MDN1: variants seen among roughly 807,000 people sequenced by gnomAD.
The protein encoded by MDN1 is midasin AAA ATPase 1.
MDN1 carries 266 observed loss-of-function variants against 669.2 expected under a neutral mutation model. The ratio of observed to expected loss-of-function variants is 0.40; its 90% CI spans 0.36 to 0.44. MDN1 has a LOEUF of 0.44. Among genes scored for constraint, MDN1 ranks in the 20% least tolerant of loss-of-function variants. MDN1 has a pLI of 1.00. For missense variants in MDN1, 5,940 were observed against 6,754.0 expected (o/e 0.88, Z 4.22); for synonymous variants, 2,385 against 2,457.1 (o/e 0.97, Z 0.87).
intron 84 of MDN1, among the ~76,000 whole-genome samples, chr6:89,666,288 C>T (rs187727015): frequency 7.3e-4 from 111 of 152,234 alleles, no homozygotes; most frequent in African/African-American, 2.6e-3. Context: ...TTTTCTGAAA[C>T]AAGGTCTTGC....
Position 89,660,234 on chromosome 6 carries a change from G to A in MDN1, c.14713+1197C>T, listed in dbSNP as rs140089692. On this transcript the variant is annotated intron_variant, in intron 88 of 101. Transcript: ENST00000369393. ...AGAGTCTCGTTCTGTCACCCAAGCT[G>A]GAGTGCAGTGGCGAGATCATGGCCT... 6.9e-3 allele frequency among the ~76,000 whole-genome samples: 1,055 copies of A among 152,194 alleles called. 20 individuals are homozygous for A. Among genetic ancestry groups the A allele is most frequent in the East Asian group, 0.038 (197 of 5,162 alleles).
intron 9 of MDN1, among the ~76,000 whole-genome samples, chr6:89,782,525 G>C (rs952458818): frequency 6.6e-6 from 1 of 151,936 alleles, no homozygotes; most frequent in Non-Finnish European, 1.5e-5. Flanking sequence ...CTGAGAGGTT[G>C]AGGCTGCAGT....
Position 89,696,034 on chromosome 6 carries a change from T to C in MDN1, c.9384-42A>G, listed in dbSNP as rs762784693. ...AAAGCACTGAAAGGTTTGTACTGTA[T>C]CAAAAAGCATTCCTTTTCATACAGT... On this transcript the variant is annotated intron_variant, in intron 60 of 101. Coordinates refer to ENST00000369393, the MANE Select transcript of MDN1 (RefSeq NM_014611.3). 3 of 1,552,858 alleles carry C rather than the reference T, an allele frequency of 1.9e-6. No individual in the cohort carries two copies. The African/African-American group carries it at 4.1e-5, about 21-fold the overall frequency.
In MDN1 at chr6:89,809,192, G is replaced by A. The variant is rs561323974; in HGVS notation, c.103-5638C>T. Among the ~76,000 whole-genome samples, 5 of 142,694 alleles carry A rather than the reference G, an allele frequency of 3.5e-5. No individual in the cohort carries two copies. In the South Asian group the frequency reaches 1.1e-3, roughly 32 times the overall value. 93.6% of individuals were successfully genotyped at this position (142,694 alleles called of 152,430 possible). The stretch of plus-strand genomic sequence containing the variant: ...AGATCGTGCCCCTGCACTCCAGCCT[G>A]GGTGACAGGTGAGACACTGTCTCAA... On this transcript the variant is annotated intron_variant, in intron 1 of 101. Coordinates refer to ENST00000369393, the MANE Select transcript of MDN1 (RefSeq NM_014611.3).
At chr6:89,693,964 G>T in intron 62 of MDN1, 110 bp downstream of exon 62, 2 of 822,892 alleles carry the variant, frequency 2.4e-6, no homozygotes, top group Non-Finnish European at 4.1e-6. Flanking sequence ...GCATCTAATT[G>T]CTAATGTAGT....
At chr6:89,673,133 T>C (rs966108876) in intron 80 of MDN1, 103 bp downstream of exon 80, 1 of 1,057,924 alleles carries the variant, frequency 9.5e-7, no homozygotes, top group Non-Finnish European at 1.4e-6. Context: ...GACAGGTACA[T>C]GTAGACCAAA....
chr6:89,708,746 A>T, intron 50 of MDN1, 118 bp from the exon 51 acceptor site: 1 of 1,142,728 alleles, frequency 8.8e-7, no homozygotes, highest in Non-Finnish European at 1.3e-6. Context: ...ATGATGGGGA[A>T]GAGGTTGAAC....
intron 26 of MDN1, 36 bp downstream of exon 26, chr6:89,749,187 A>G (rs1289191043): frequency 2.6e-6 from 4 of 1,552,696 alleles, no homozygotes; most frequent in Non-Finnish European, 3.5e-6. Flanking sequence ...TTTGATCACC[A>G]AGTATAATCA....
intron 52 of MDN1, among the ~76,000 whole-genome samples, chr6:89,706,869 G>A (rs1286310930): frequency 6.6e-6 from 1 of 152,008 alleles, no homozygotes; most frequent in African/African-American, 2.4e-5. Context: ...AGTAGCTGAT[G>A]TAAAGATGAA....
chr6:89,744,111 A>AC lies in MDN1; in HGVS notation c.4179-398_4179-397insG, dbSNP rs1236777557. Among the ~76,000 whole-genome samples, 19 of 140,942 alleles carry AC rather than the reference A, an allele frequency of 1.3e-4. 1 individual carries two copies. The highest frequency in any genetic ancestry group is 4.6e-4 in the African/African-American group (18 of 39,272). The allele number at this position is 140,942 out of a possible 152,430, so 92.5% of individuals were successfully genotyped here. On this transcript the variant is annotated intron_variant, in intron 29 of 101. Coordinates refer to ENST00000369393, the MANE Select transcript of MDN1 (RefSeq NM_014611.3). ...AGAGCGGAATGCCTTCTTAAAAAAA[A>AC]AAAAAAAAAAAAAAAAAAAACCACC...
intron 5 of MDN1, among the ~76,000 whole-genome samples, 177 bp downstream of exon 5, chr6:89,793,585 A>G (rs901698420): frequency 3.3e-5 from 5 of 152,218 alleles, no homozygotes; most frequent in African/African-American, 9.7e-5. Context: ...AAACAAGAAC[A>G]GTGGGAATAT....
chr6:89,752,856 G>A (rs541168133), intron 22 of MDN1, among the ~76,000 whole-genome samples: 2 of 152,268 alleles, frequency 1.3e-5, no homozygotes, highest in East Asian at 3.9e-4. Context: ...CGGGCACGGT[G>A]ACTCACGCCT....
intron 18 of MDN1, 70 bp downstream of exon 18, chr6:89,758,744 AAC>A (rs1817384233): frequency 7.2e-6 from 11 of 1,529,550 alleles, no homozygotes; most frequent in African/African-American, 5.6e-5. Flanking sequence ...TAACAACAAC[AAC>A]AAAAAATCTC....
At chr6:89,740,756 A>C (rs1288864731) in intron 31 of MDN1, among the ~76,000 whole-genome samples, 1 of 152,238 alleles carries the variant, frequency 6.6e-6, no homozygotes, top group Admixed American at 6.5e-5. Context: ...CGGGACAAAA[A>C]GGAACAAACT....
intron 32 of MDN1, among the ~76,000 whole-genome samples, chr6:89,739,012 A>G (rs566093692): frequency 6.6e-6 from 1 of 152,362 alleles, no homozygotes; most frequent in South Asian, 2.1e-4. Context: ...GTCAGTTGAC[A>G]CTATTCACAA....
intron 27 of MDN1, among the ~76,000 whole-genome samples, chr6:89,746,342 T>C (rs1816611807): frequency 6.6e-6 from 1 of 152,128 alleles, no homozygotes; most frequent in African/African-American, 2.4e-5. Flanking sequence ...CCCAGCACTT[T>C]GGGAGGCTGA....
rs1460184265 is a variant in MDN1 at position 89,771,617 on chromosome 6, G to T, written c.2088C>A (p.His696Gln). The change falls in exon 15 of 102, where the codon CAC (histidine) becomes CAA (glutamine). Residue 696 changes from histidine to glutamine, a missense_variant. By Grantham distance (24) the His-to-Gln change is conservative (BLOSUM62 0). Around this residue, in one of 5 missense-constraint regions of MDN1, gnomAD observed 1,203 missense variants for 1,268.9 expected, o/e 0.95. Transcript: ENST00000369393. ...GATTCATATTGACAACCCTCAAACG[G>T]TGGCCTTTTATAAAGAAAGTGCAAA... is the stretch of plus-strand genomic sequence containing the variant. ...TIQYLAHITG[H>Q]RLRVVNMNQQ... is the part of the protein sequence containing the mutation. 1 of 1,613,586 alleles carries T rather than the reference G, an allele frequency of 6.2e-7. No individual in the cohort carries two copies. The highest frequency in any genetic ancestry group is 1.7e-5 in the Admixed American group (1 of 59,964).
chr6:89,810,347 A>G (rs1199320815), intron 1 of MDN1, among the ~76,000 whole-genome samples: 2 of 152,070 alleles, frequency 1.3e-5, no homozygotes, highest in East Asian at 3.9e-4. Context: ...GAGGCAGGAG[A>G]ATCGCTTGAA....
chr6:89,694,198 A>G lies in MDN1; in HGVS notation c.9772-15T>C. On this transcript the variant is annotated splice_polypyrimidine_tract_variant and intron_variant, in intron 61 of 101. Transcript: ENST00000369393. ...AGTTGGTGTAACTAATGGAAAAGAG[A>G]GAAGTTAGTCCACTGTGTCCCAGCT... 1 of 1,600,600 alleles carries G rather than the reference A, an allele frequency of 6.2e-7. No homozygotes were observed. Among genetic ancestry groups the G allele is most frequent in the Non-Finnish European group, 8.6e-7 (1 of 1,167,790 alleles).
Sources: gnomAD v4.1 joint callset for allele counts (sites outside exome capture counted in the v4.1 genomes callset) on GRCh38, gnomAD v4.1.1 for gene constraint, gnomAD v4.1.1 regional missense constraint, MANE v1.5 for transcripts, NCBI Gene and HGNC (gene_info 2026-07-23, HGNC 2026-07-21) for gene names.